The following RIF1 variants were observed in gnomAD, a reference collection of about 807,000 sequenced individuals.
RIF1 encodes replication timing regulatory factor 1, also known as telomere-associated protein RIF1.
In RIF1, 45 loss-of-function variants were observed where a neutral mutation model predicts 247.1. The ratio of observed to expected loss-of-function variants is 0.18; its 90% CI spans 0.14 to 0.23. RIF1 has a LOEUF of 0.23. Ranked by LOEUF, RIF1 falls within the 10% of genes least tolerant of loss-of-function variation. The pLI, the probability that RIF1 is intolerant of heterozygous loss-of-function variation, is 1.00. For synonymous variants in RIF1, 1,087 were observed against 978.8 expected (o/e 1.11, Z -2.06); for missense variants, 2,967 against 2,862.5 (o/e 1.04, Z -0.83).
the RIF1 span, chr2:151,516,433 TGTGTG>T: frequency 2.0e-6 from 3 of 1,466,782 alleles, no homozygotes; most frequent in Non-Finnish European, 2.9e-6. Context: ...GGATCATTGT[TGTGTG>T]GTGTGGTTTT....
intron 20 of RIF1, among the ~76,000 whole-genome samples, chr2:151,448,045 T>C (rs973802007): frequency 6.6e-6 from 1 of 152,116 alleles, no homozygotes; most frequent in Non-Finnish European, 1.5e-5. Flanking sequence ...AGTTCTTTTT[T>C]TTTTTCTTGC....
rs115516312 is a variant in RIF1 at position 151,414,954 on chromosome 2, G to A, written c.280+35G>A. 1.2e-3 allele frequency: 1,576 copies of A among 1,302,280 alleles called. 14 individuals are homozygous for A. In the African/African-American group the frequency reaches 0.02, roughly 17 times the overall value. The allele number at this position is 1,302,280 out of a possible 1,614,324, so 80.7% of individuals were successfully genotyped here. A position where few individuals can be genotyped will look rare whatever the true frequency, so the allele number is the denominator to read the frequency against. On this transcript the variant is annotated intron_variant, in intron 4 of 35. Transcript: ENST00000444746. Reference sequence around the variant, plus strand: ...TTTCTTATGACTTAATATTTTTAGAGTATAAAGTATAAGTTTTAAGTATAA... The same window carrying A: ...TTTCTTATGACTTAATATTTTTAGAATATAAAGTATAAGTTTTAAGTATAA...
rs759531125 is a variant in RIF1 at position 151,463,036 on chromosome 2, A to G, written c.3516A>G (p.Glu1172=). 1.9e-6 allele frequency: 3 copies of G among 1,613,990 alleles called. No individual in the cohort carries two copies. The highest frequency in any genetic ancestry group is 2.5e-6 in the Non-Finnish European group (3 of 1,179,930). The change falls in exon 30 of 36, where the codon GAA becomes GAG. Residue 1172 remains glutamate, a synonymous_variant. Transcript: ENST00000444746. ...SPEMSNSNND[E]RKKALISSRK... ...AAATGTCAAACAGTAATAATGATGA[A>G]AGAAAAAAAGCTTTAATTTCATCAA...
At chr2:151,453,579 CAAAAAAAAAAA>C (rs59661470) in intron 21 of RIF1, among the ~76,000 whole-genome samples, 3 of 72,920 alleles carry the variant, frequency 4.1e-5, no homozygotes, top group East Asian at 3.7e-4. Flanking sequence ...GACTCTGTCT[CAAAAAAAAAAA>C]AAAAAAAAAA....
intron 20 of RIF1, among the ~76,000 whole-genome samples, chr2:151,448,837 A>G (rs1462375662): frequency 6.6e-6 from 1 of 152,214 alleles, no homozygotes; most frequent in Non-Finnish European, 1.5e-5. Context: ...GCAGGTTTTT[A>G]TAACTGATCG....
In RIF1 at chr2:151,491,854, A is replaced by C. The variant is rs924777908; in HGVS notation, c.*416-3375A>C. On this transcript the variant is annotated intron_variant and NMD_transcript_variant, in intron 9 of 13. Coordinates refer to the RIF1 transcript ENST00000454583. ...TGAAAACCAAGGCATGAATTTTAAC[A>C]ACCACCAAAGGATTGAATCACACTT... 15 of 1,202,830 alleles carry C rather than the reference A, an allele frequency of 1.2e-5. 1 individual carries two copies. Among genetic ancestry groups the C allele is most frequent in the Middle Eastern group, 3.8e-4 (2 of 5,232 alleles). The allele number at this position is 1,202,830 out of a possible 1,614,324, so 74.5% of individuals were successfully genotyped here.
downstream of RIF1, among the ~76,000 whole-genome samples, chr2:151,487,153 T>G (rs375383335): frequency 3.3e-5 from 5 of 152,302 alleles, no homozygotes; most frequent in East Asian, 5.8e-4. Context: ...CAGTCTTGTA[T>G]TTTAGAGAAG....
rs935237161 is a variant in RIF1 at position 151,479,111 on chromosome 2, C to T, written c.*4040C>T. On this transcript the variant is annotated 3_prime_UTR_variant, in exon 36 of 36. Transcript: ENST00000444746. ...CAGTCCCAGGTGATTCATGCAGATG[C>T]CTGTGAACTGCGCTGGTAGATGGGC... 2 of 152,150 alleles carry T rather than the reference C, an allele frequency of 1.3e-5. No homozygotes were observed. The highest frequency in any genetic ancestry group is 2.9e-5 in the Non-Finnish European group (2 of 68,034). The allele number at this position is 152,150 out of a possible 1,614,324, so 9.4% of individuals were successfully genotyped here.
chr2:151,502,733 G>A (rs2065659629), intron 11 of RIF1: 1 of 879,988 alleles, frequency 1.1e-6, no homozygotes, highest in African/African-American at 1.7e-5. Flanking sequence ...ACATTTGTAA[G>A]GTGTTATTAT....
At chr2:151,491,593 G>A in intron 9 of RIF1, 1 of 1,093,168 alleles carries the variant, frequency 9.1e-7, no homozygotes, top group East Asian at 2.6e-5. Flanking sequence ...AACTCTGGAG[G>A]GAAGGAACTT....
the RIF1 span, chr2:151,531,232 T>A: frequency 3.7e-4 from 245 of 661,892 alleles, no homozygotes; most frequent in Non-Finnish European, 5.8e-4. Context: ...GGTGCTTTCA[T>A]GCTCTCTGCT....
chr2:151,510,020 T>G (rs2072844195), downstream of RIF1, among the ~76,000 whole-genome samples: 1 of 152,250 alleles, frequency 6.6e-6, no homozygotes, highest in African/African-American at 2.4e-5. Context: ...TATGTCTTTG[T>G]GTAAGTGTTC....
At chr2:151,482,594 C>T (rs1202091128), downstream of RIF1, among the ~76,000 whole-genome samples, 1 of 152,164 alleles carries the variant, frequency 6.6e-6, no homozygotes, top group East Asian at 1.9e-4. Context: ...CTCACCCCAA[C>T]ATGACCTTAA....
the RIF1 span, chr2:151,524,387 T>G: frequency 3.1e-6 from 5 of 1,613,992 alleles, 1 homozygote; most frequent in South Asian, 4.4e-5. Context: ...ATGGCTGCCT[T>G]CCTTGCGGTG....
chr2:151,526,449 TAAC>T, the RIF1 span, among the ~76,000 whole-genome samples: 1 of 152,186 alleles, frequency 6.6e-6, no homozygotes, highest in East Asian at 1.9e-4. Flanking sequence ...GTGGTTTTAA[TAAC>T]AATCAAAATG....
chr2:151,528,365 C>A, the RIF1 span, among the ~76,000 whole-genome samples: 1 of 152,178 alleles, frequency 6.6e-6, no homozygotes, highest in Non-Finnish European at 1.5e-5. Context: ...TTTATGTATA[C>A]TATTTAATAA....
chr2:151,491,691 A>G lies in RIF1; in HGVS notation c.*416-3538A>G, dbSNP rs1316386738. 8 of 1,589,394 alleles carry G rather than the reference A, an allele frequency of 5.0e-6. No individual in the cohort carries two copies. The Admixed American group carries it at 1.1e-4, about 21-fold the overall frequency. On this transcript the variant is annotated intron_variant and NMD_transcript_variant, in intron 9 of 13. Coordinates refer to the RIF1 transcript ENST00000454583. ...TTTTTCAGCTAACACACCATTAATC[A>G]TGTGTAAGCTTCGGGACTGGATGTT...
chr2:151,520,186 A>C, the RIF1 span, among the ~76,000 whole-genome samples: 1 of 152,204 alleles, frequency 6.6e-6, no homozygotes, highest in East Asian at 1.9e-4. Flanking sequence ...TAAATGATCA[A>C]GAAGGTTGAA....
rs1039686671 is a variant in RIF1 at position 151,457,963 on chromosome 2, A to C, written c.2855A>C (p.Lys952Thr). 6.2e-7 allele frequency: 1 copy of C among 1,610,656 alleles called. No homozygotes were observed. Among genetic ancestry groups the C allele is most frequent in the Non-Finnish European group, 8.5e-7 (1 of 1,177,298 alleles). Reference protein sequence around the residue: ...VMMLVYPEELKPVLTQAKQKF... With the variant: ...VMMLVYPEELTPVLTQAKQKF... ...ATGTTGGTTTATCCTGAAGAGTTAA[A>C]GTATGCTAACAACAAAACTTATATA... The change falls in exon 24 of 36, where the codon AAA (lysine) becomes ACA (threonine). Residue 952 changes from lysine to threonine, a missense_variant and splice_region_variant. By Grantham distance (78) the Lys-to-Thr change is moderately conservative (BLOSUM62 -1). Transcript: ENST00000444746.
Sources: gnomAD v4.1 joint callset for allele counts (sites outside exome capture counted in the v4.1 genomes callset) on GRCh38, gnomAD v4.1.1 for gene constraint, MANE v1.5 for transcripts, NCBI Gene and HGNC (gene_info 2026-07-23, HGNC 2026-07-21) for gene names.